The following VAMP3 variants were observed in gnomAD, a reference collection of about 807,000 sequenced individuals.
VAMP3 encodes the protein vesicle-associated membrane protein 3.
VAMP3 carries 11 observed loss-of-function variants against 18.1 expected under a neutral mutation model. The ratio of observed to expected loss-of-function variants is 0.61; its 90% CI spans 0.38 to 1.00. The LOEUF (loss-of-function observed/expected upper bound fraction) is 1.00. Ranked by LOEUF, VAMP3 falls within the 50% of genes least tolerant of loss-of-function variation. The pLI, the probability that VAMP3 is intolerant of heterozygous loss-of-function variation, is 0.01. For missense variants in VAMP3, 122 were observed against 127.3 expected, an observed-to-expected ratio of 0.96 and a Z score of 0.20; for synonymous variants, 49 against 43.1, an observed-to-expected ratio of 1.14 and a Z score of -0.53.
In VAMP3 at chr1:7,779,122, G is replaced by A. The variant is rs530856021; in HGVS notation, c.284-504G>A. 3.9e-5 allele frequency among the ~76,000 whole-genome samples: 6 copies of A among 152,290 alleles called. No individual in the cohort carries two copies. In the South Asian group the frequency reaches 1.2e-3, roughly 32 times the overall value. ...AGGCAGGAGAATGGCATGAACCCGG[G>A]AGGCGGAGCTTGCAGTGAGCCAAGA... On this transcript the variant is annotated intron_variant, in intron 4 of 4. Coordinates refer to ENST00000054666, the MANE Select transcript of VAMP3 (RefSeq NM_004781.4).
intron 1 of VAMP3, among the ~76,000 whole-genome samples, chr1:7,771,708 CG>C (rs1463504767): frequency 1.3e-5 from 2 of 152,234 alleles, no homozygotes; most frequent in Non-Finnish European, 2.9e-5. Context: ...GGAATGGGGA[CG>C]ACAGCCCTGG....
chr1:7,771,522 G>A, intron 1 of VAMP3, 137 bp downstream of exon 1: 4 of 1,146,750 alleles, frequency 3.5e-6, no homozygotes, highest in Non-Finnish European at 4.6e-6. Flanking sequence ...GAGGCCTGGG[G>A]GTGGGCGGTG....
intron 3 of VAMP3, 111 bp downstream of exon 3, chr1:7,777,429 C>T (rs187375990): frequency 1.8e-5 from 25 of 1,363,814 alleles, no homozygotes; most frequent in Middle Eastern, 4.3e-4. Flanking sequence ...GTTTGACTTC[C>T]TCCACATGGA....
At chr1:7,771,437 C>T (rs898177552) in intron 1 of VAMP3, 52 bp downstream of exon 1, 18 of 1,502,676 alleles carry the variant, frequency 1.2e-5, no homozygotes, top group Non-Finnish European at 1.6e-5. Flanking sequence ...GGCGGCAGCT[C>T]GCGCTGGGAC....
intron 3 of VAMP3, 85 bp downstream of exon 3, chr1:7,777,403 C>A: frequency 6.7e-7 from 1 of 1,482,544 alleles, no homozygotes; most frequent in Non-Finnish European, 9.0e-7. Flanking sequence ...TGGACTTTCA[C>A]GACTCTGGGA....
chr1:7,778,010 T>G, intron 3 of VAMP3, 108 bp from the exon 4 acceptor site: 2 of 1,188,626 alleles, frequency 1.7e-6, no homozygotes, highest in Non-Finnish European at 2.5e-6. Flanking sequence ...CCAGACTGTA[T>G]GCACCTGAAT....
intron 1 of VAMP3, chr1:7,772,984 A>C (rs2097052039): frequency 6.5e-6 from 1 of 153,416 alleles, no homozygotes; most frequent in Non-Finnish European, 1.5e-5. Context: ...CCTGCATCCC[A>C]GTGTTCCTGA....
chr1:7,778,009 A>G, intron 3 of VAMP3, 109 bp from the exon 4 acceptor site: 1 of 1,172,568 alleles, frequency 8.5e-7, no homozygotes, highest in Non-Finnish European at 1.3e-6. Flanking sequence ...TCCAGACTGT[A>G]TGCACCTGAA....
Position 7,779,613 on chromosome 1 carries a change from T to C in VAMP3, c.284-13T>C. On this transcript the variant is annotated splice_polypyrimidine_tract_variant and intron_variant, in intron 4 of 4. Transcript: ENST00000054666. ...TGTTTCCCCTGCCTTTTTGCATCTC[T>C]CCTCCTTCTTAGTGTGGGTTGTCTC... is the stretch of plus-strand genomic sequence containing the variant. 1 of 1,612,916 alleles carries C rather than the reference T, an allele frequency of 6.2e-7. No homozygotes were observed. Among genetic ancestry groups the C allele is most frequent in the South Asian group, 1.1e-5 (1 of 91,010 alleles).
intron 2 of VAMP3, among the ~76,000 whole-genome samples, chr1:7,776,229 C>G (rs2097054226): frequency 6.6e-6 from 1 of 152,302 alleles, no homozygotes; most frequent in Non-Finnish European, 1.5e-5. Context: ...TTGTCCAAGT[C>G]GTTCACCTTT....
chr1:7,771,428 G>C, intron 1 of VAMP3, 43 bp downstream of exon 1: 1 of 1,520,440 alleles, frequency 6.6e-7, no homozygotes, highest in Non-Finnish European at 8.8e-7. Flanking sequence ...GGCCCCGCAG[G>C]CGGCAGCTCG....
rs1171531783 is a variant in VAMP3, at chr1:7,773,504, T to C, written c.65T>C (p.Val22Ala). The change falls in exon 2 of 5, where the codon GTA becomes GCA. Residue 22 changes from valine (V) to alanine (A), a missense_variant. Coordinates refer to ENST00000054666, the MANE Select transcript of VAMP3 (RefSeq NM_004781.4). ...AGACTTCAGCAGACACAAAATCAAG[T>C]AGATGAGGTATTGCTCTGAAATGTT... ...NRRLQQTQNQVDEVVDIMRVN... is the reference protein window; with the variant it reads ...NRRLQQTQNQADEVVDIMRVN... 3 of 1,613,870 alleles carry C rather than the reference T, an allele frequency of 1.9e-6. No homozygotes were observed.
rs1401437778 is a variant in VAMP3, at chr1:7,779,824, C to T, written c.*179C>T. On this transcript the variant is annotated 3_prime_UTR_variant, in exon 5 of 5. Coordinates refer to ENST00000054666, the MANE Select transcript of VAMP3 (RefSeq NM_004781.4). ...TAATATGCACTCCAAATTAGAAGGC[C>T]GGCCCCGTCCACATTTTGCACAGTG... 1.6e-5 allele frequency: 12 copies of T among 733,674 alleles called. No homozygotes were observed. Among genetic ancestry groups the T allele is most frequent in the Admixed American group, 5.5e-5 (2 of 36,040 alleles). The allele number at this position is 733,674 out of a possible 1,614,324, so 45.4% of individuals were successfully genotyped here.
chr1:7,778,191 T>C, intron 4 of VAMP3, 22 bp downstream of exon 4: 1 of 1,613,022 alleles, frequency 6.2e-7, no homozygotes, highest in Non-Finnish European at 8.5e-7. Flanking sequence ...TTTTCTAAAC[T>C]GATTGGAAAA....
In VAMP3 at chr1:7,778,116, A is replaced by C. The variant is rs2097055205; in HGVS notation, c.232-2A>C. ...GTGATATGGACATATGTTTTGTTAC[A>C]GATGTGGGCAATCGGGATTACTGTT... On this transcript the variant is annotated splice_acceptor_variant, in intron 3 of 4. Coordinates refer to ENST00000054666, the MANE Select transcript of VAMP3 (RefSeq NM_004781.4). LOFTEE classifies it high-confidence loss of function. 1 of 1,614,066 alleles carries C rather than the reference A, an allele frequency of 6.2e-7. No homozygotes were observed. Among genetic ancestry groups the C allele is most frequent in the Non-Finnish European group, 8.5e-7 (1 of 1,180,026 alleles).
chr1:7,772,461 G>A (rs1224083707), intron 1 of VAMP3, among the ~76,000 whole-genome samples: 1 of 152,202 alleles, frequency 6.6e-6, no homozygotes, highest in Non-Finnish European at 1.5e-5. Context: ...TATTCGAGGA[G>A]GCGGGACTTT....
chr1:7,778,329 A>C (rs1486022718), intron 4 of VAMP3, among the ~76,000 whole-genome samples, 160 bp downstream of exon 4: 1 of 152,190 alleles, frequency 6.6e-6, no homozygotes, highest in Non-Finnish European at 1.5e-5. Flanking sequence ...TTGGGAGGCC[A>C]GGAGTTTGAG....
At position 7,777,157 on chromosome 1, in the gene VAMP3, T is replaced by A; in HGVS notation, c.73-3T>A. Reference sequence around the variant, plus strand: ...ATTACTTGCTGTGATCACACTCATCTAGGTGGTGGACATAATGCGAGTTAA... The same window carrying A: ...ATTACTTGCTGTGATCACACTCATCAAGGTGGTGGACATAATGCGAGTTAA... On this transcript the variant is annotated splice_region_variant and splice_polypyrimidine_tract_variant and intron_variant, in intron 2 of 4. Coordinates refer to ENST00000054666, the MANE Select transcript of VAMP3 (RefSeq NM_004781.4). The A allele has an allele frequency of 6.2e-7, 1 of 1,610,736 alleles. No homozygotes were observed. Among genetic ancestry groups the A allele is most frequent in the Non-Finnish European group, 8.5e-7 (1 of 1,178,256 alleles).
rs745532456 is a variant in VAMP3, at chr1:7,779,617, CCTT to C, written c.284-5_284-3del. 5.6e-6 allele frequency: 9 copies of C among 1,614,034 alleles called. No individual in the cohort carries two copies. Among genetic ancestry groups the C allele is most frequent in the East Asian group, 4.5e-5 (2 of 44,874 alleles). ...TCCCCTGCCTTTTTGCATCTCTCCT[CCTT>C]CTTAGTGTGGGTTGTCTCTTCATGA... On this transcript the variant is annotated splice_region_variant and splice_polypyrimidine_tract_variant and intron_variant, in intron 4 of 4. Coordinates refer to ENST00000054666, the MANE Select transcript of VAMP3 (RefSeq NM_004781.4).
Sources: allele counts gnomAD v4.1 joint callset (sites outside exome capture counted in the v4.1 genomes callset), GRCh38; gene constraint gnomAD v4.1.1; transcripts MANE v1.5; gene names NCBI Gene and HGNC (gene_info 2026-07-23, HGNC 2026-07-21).